ZC3H12B: variants seen among roughly 807,000 people sequenced by gnomAD.
The protein encoded by ZC3H12B is zinc finger CCCH-type containing 12B, also known as probable ribonuclease ZC3H12B.
A neutral mutation model predicts 43.9 loss-of-function variants in ZC3H12B; 7 were observed. The observed-to-expected ratio is 0.16, with a 90% CI of 0.09 to 0.30. The LOEUF (loss-of-function observed/expected upper bound fraction) is 0.30, where lower values mean the gene tolerates loss of function less well. Ranked by LOEUF, ZC3H12B falls within the 10% of genes least tolerant of loss-of-function variation. The pLI, the probability that ZC3H12B is intolerant of heterozygous loss-of-function variation, is 1.00. For synonymous variants in ZC3H12B, 222 were observed against 241.7 expected (o/e 0.92, Z 0.76); for missense variants, 475 against 670.2 (o/e 0.71, Z 3.22).
At chrX:65,076,159 T>A in the ZC3H12B span, among the ~76,000 whole-genome samples, 2 of 104,562 alleles carry the variant, frequency 1.9e-5, no homozygotes, top group African/African-American at 6.9e-5. Flanking sequence ...CTCTTCTTTC[T>A]TTTTTTTTTT....
chrX:65,506,091 G>T (rs772245254), exon 5 of ZC3H12B: 1 of 112,291 alleles, frequency 8.9e-6, no homozygotes, highest in Admixed American at 9.5e-5. Flanking sequence ...AGTAGCTCAG[G>T]GGTTGTGAGG....
the ZC3H12B span, among the ~76,000 whole-genome samples, chrX:65,068,949 C>T: frequency 1.8e-5 from 2 of 108,914 alleles, no homozygotes; most frequent in African/African-American, 6.7e-5. Context: ...TATATCATGC[C>T]ACTGTCTCCT....
the ZC3H12B span, among the ~76,000 whole-genome samples, chrX:65,214,195 G>T: frequency 2.7e-5 from 3 of 110,935 alleles, no homozygotes; most frequent in African/African-American, 9.8e-5. Flanking sequence ...GATAAGGGTG[G>T]CGGTTGCTCA....
the ZC3H12B span, among the ~76,000 whole-genome samples, chrX:65,238,462 T>C: frequency 9.1e-6 from 1 of 109,665 alleles, no homozygotes; most frequent in African/African-American, 3.5e-5. Flanking sequence ...CATTTTTGCT[T>C]GTGGCTATTT....
chrX:65,464,939 C>T (rs1329258274), intron 3 of ZC3H12B, among the ~76,000 whole-genome samples: 2 of 110,633 alleles, frequency 1.8e-5, no homozygotes, highest in African/African-American at 6.5e-5. Flanking sequence ...TGCAAACTTC[C>T]TTTCATTATT....
chrX:65,132,674 A>G, the ZC3H12B span, among the ~76,000 whole-genome samples: 11 of 111,426 alleles, frequency 9.9e-5, no homozygotes, highest in African/African-American at 2.9e-4. Context: ...GCATAAAACA[A>G]TGTTGTCCAA....
the ZC3H12B span, among the ~76,000 whole-genome samples, chrX:65,060,158 C>CAAGG: frequency 8.9e-6 from 1 of 112,135 alleles, no homozygotes; most frequent in African/African-American, 3.2e-5. Flanking sequence ...CATCTGCAAA[C>CAAGG]AAGGATGATT....
chrX:65,327,390 T>G, the ZC3H12B span, among the ~76,000 whole-genome samples: 2 of 111,633 alleles, frequency 1.8e-5, no homozygotes, highest in African/African-American at 6.5e-5. Flanking sequence ...CCTAAAAGAT[T>G]GATTCTTCCA....
chrX:65,035,076 G>C, the ZC3H12B span, among the ~76,000 whole-genome samples: 1 of 112,228 alleles, frequency 8.9e-6, no homozygotes, highest in Non-Finnish European at 1.9e-5. Context: ...TGGTGAAGTT[G>C]GCGGCGCCAC....
chrX:65,135,745 G>GTTTT, the ZC3H12B span, among the ~76,000 whole-genome samples: 2 of 75,721 alleles, frequency 2.6e-5, no homozygotes, highest in East Asian at 4.1e-4. Context: ...CTATTTGTTT[G>GTTTT]TTTTCTTTTT....
At chrX:65,067,024 C>A in the ZC3H12B span, among the ~76,000 whole-genome samples, 1 of 111,639 alleles carries the variant, frequency 9.0e-6, no homozygotes, top group Non-Finnish European at 1.9e-5. Flanking sequence ...CGACTTCAGA[C>A]TGCTATGCTG....
At chrX:65,387,771 G>A (rs1360075460) in intron 2 of ZC3H12B, among the ~76,000 whole-genome samples, 1 of 112,654 alleles carries the variant, frequency 8.9e-6, no homozygotes, top group African/African-American at 3.2e-5. Flanking sequence ...TTTTGCAGTG[G>A]CTGGTACTGG....
the ZC3H12B span, among the ~76,000 whole-genome samples, chrX:65,339,732 G>A: frequency 1.8e-5 from 2 of 111,223 alleles, no homozygotes; most frequent in South Asian, 7.5e-4. Context: ...GTGCTTTGGG[G>A]GCTCAGATCA....
At chrX:65,228,337 T>A in the ZC3H12B span, among the ~76,000 whole-genome samples, 1 of 111,831 alleles carries the variant, frequency 8.9e-6, no homozygotes, top group Non-Finnish European at 1.9e-5. Context: ...TCAACAACAC[T>A]TCATACTAAA....
At chrX:65,049,894 ATCTT>A in the ZC3H12B span, among the ~76,000 whole-genome samples, 3 of 111,011 alleles carry the variant, frequency 2.7e-5, no homozygotes, top group Non-Finnish European at 5.7e-5. Context: ...GTTAATTGAG[ATCTT>A]TCTTTCTTTT....
intron 3 of ZC3H12B, among the ~76,000 whole-genome samples, chrX:65,445,072 C>G (rs1389288314): frequency 8.9e-6 from 1 of 111,974 alleles, no homozygotes; most frequent in Non-Finnish European, 1.9e-5. Context: ...ATTTCTATTT[C>G]TTTGTTAAAT....
At chrX:65,499,669 G>A (rs1480088311) in intron 3 of ZC3H12B, among the ~76,000 whole-genome samples, 2 of 111,250 alleles carry the variant, frequency 1.8e-5, no homozygotes, top group African/African-American at 6.5e-5. Flanking sequence ...TGTAGTTCAT[G>A]GAATAATGAT....
the ZC3H12B span, among the ~76,000 whole-genome samples, chrX:65,267,998 A>C: frequency 9.0e-6 from 1 of 110,687 alleles, no homozygotes; most frequent in Non-Finnish European, 1.9e-5. Context: ...TCTTTGAAAA[A>C]CTAAAATCGG....
chrX:65,159,655 A>T, the ZC3H12B span, among the ~76,000 whole-genome samples: 1 of 111,833 alleles, frequency 8.9e-6, no homozygotes, highest in Non-Finnish European at 1.9e-5. Context: ...GCTTAAGGAG[A>T]TTTTCGGCTG....
Sources: gnomAD v4.1 joint callset for allele counts (sites outside exome capture counted in the v4.1 genomes callset) on GRCh38, gnomAD v4.1.1 for gene constraint, MANE v1.5 for transcripts, NCBI Gene and HGNC (gene_info 2026-07-23, HGNC 2026-07-21) for gene names.